The following CPQ variants were observed in gnomAD, a reference collection of about 807,000 sequenced individuals.
CPQ encodes the protein carboxypeptidase Q, also known as Ser-Met dipeptidase.
A neutral mutation model predicts 45.7 loss-of-function variants in CPQ; 37 were observed. The ratio of observed to expected loss-of-function variants is 0.81; its 90% CI spans 0.62 to 1.07. The LOEUF is 1.07. Ranked by LOEUF, CPQ falls within the 50% of genes least tolerant of loss-of-function variation. The pLI is 0.00. For missense variants in CPQ, 537 were observed against 572.9 expected (o/e 0.94, Z 0.64); for synonymous variants, 186 against 205.8 (o/e 0.90, Z 0.82).
At chr8:96,710,747 A>G (rs1049164587) in intron 1 of CPQ, among the ~76,000 whole-genome samples, 3 of 152,042 alleles carry the variant, frequency 2.0e-5, no homozygotes, top group Admixed American at 6.6e-5. Flanking sequence ...ACTTAATGAG[A>G]TTTGTTTTGT....
intron 5 of CPQ, among the ~76,000 whole-genome samples, chr8:97,004,983 A>G (rs1809355383): frequency 6.6e-6 from 1 of 152,192 alleles, no homozygotes; most frequent in African/African-American, 2.4e-5. Flanking sequence ...ATGAAGAAAA[A>G]TTGAATTAAA....
intron 7 of CPQ, among the ~76,000 whole-genome samples, chr8:97,111,304 A>G (rs1386173632): frequency 1.3e-5 from 2 of 152,178 alleles, no homozygotes; most frequent in Non-Finnish European, 2.9e-5. Flanking sequence ...CAGTACGTCT[A>G]TGAAGGCTTC....
At chr8:97,020,228 G>A (rs910247389) in intron 5 of CPQ, among the ~76,000 whole-genome samples, 7 of 151,960 alleles carry the variant, frequency 4.6e-5, no homozygotes, top group African/African-American at 1.4e-4. Context: ...CAACAAACGC[G>A]GTGCTAAGAG....
intron 7 of CPQ, among the ~76,000 whole-genome samples, chr8:97,083,899 G>T (rs1586533191): frequency 6.6e-6 from 1 of 152,134 alleles, no homozygotes; most frequent in African/African-American, 2.4e-5. Flanking sequence ...ACCTGGAAAT[G>T]GGACAAGTAC....
intron 1 of CPQ, among the ~76,000 whole-genome samples, chr8:96,734,508 G>T (rs1402410775): frequency 6.6e-6 from 1 of 151,960 alleles, no homozygotes; most frequent in Non-Finnish European, 1.5e-5. Context: ...TCAGGAGATC[G>T]AGACCATCCT....
intron 4 of CPQ, among the ~76,000 whole-genome samples, chr8:96,926,602 C>A (rs1215686094): frequency 3.4e-5 from 5 of 147,310 alleles, no homozygotes; most frequent in African/African-American, 1.3e-4. Context: ...TCTTCTTCTT[C>A]TTCTTCTTCT....
chr8:96,859,733 T>G (rs1423705423), intron 3 of CPQ, among the ~76,000 whole-genome samples: 3 of 152,276 alleles, frequency 2.0e-5, no homozygotes, highest in Middle Eastern at 6.8e-3. Context: ...GAAGTAGAAC[T>G]TCTCCCTCAT....
At chr8:96,946,025 A>T (rs1586461797) in intron 4 of CPQ, among the ~76,000 whole-genome samples, 1 of 152,206 alleles carries the variant, frequency 6.6e-6, no homozygotes, top group East Asian at 1.9e-4. Context: ...TGATACCAGC[A>T]TCACAGACTG....
At chr8:96,856,990 T>C (rs575757239) in intron 3 of CPQ, among the ~76,000 whole-genome samples, 1 of 152,296 alleles carries the variant, frequency 6.6e-6, no homozygotes, top group Admixed American at 6.5e-5. Context: ...CAGTACCTGT[T>C]TTGTTATCTA....
chr8:96,805,545 C>T (rs953505293), intron 2 of CPQ, among the ~76,000 whole-genome samples: 9 of 152,114 alleles, frequency 5.9e-5, no homozygotes, highest in African/African-American at 1.2e-4. Context: ...GAGCCTGGCT[C>T]ATTACAGGAG....
intron 1 of CPQ, among the ~76,000 whole-genome samples, chr8:96,777,270 G>C (rs148459326): frequency 3.9e-5 from 6 of 152,100 alleles, no homozygotes. Context: ...GGAAGGTACA[G>C]CAGCAATAGG....
At chr8:97,128,977 G>T (rs1811892875) in intron 7 of CPQ, among the ~76,000 whole-genome samples, 1 of 152,174 alleles carries the variant, frequency 6.6e-6, no homozygotes, top group South Asian at 2.1e-4. Context: ...TATTAGGAGG[G>T]TCAGTAGCCA....
chr8:96,731,385 C>T, intron 1 of CPQ, among the ~76,000 whole-genome samples: 1 of 152,144 alleles, frequency 6.6e-6, no homozygotes, highest in Non-Finnish European at 1.5e-5. Context: ...TCAGGTCTGT[C>T]CTGGGATGGG....
chr8:96,979,441 C>T (rs567034843), intron 5 of CPQ, among the ~76,000 whole-genome samples: 1 of 152,328 alleles, frequency 6.6e-6, no homozygotes, highest in South Asian at 2.1e-4. Context: ...GAGCCAGCTT[C>T]TACTTCTCTA....
At chr8:96,648,023 C>A (rs1190569691) in intron 1 of CPQ, among the ~76,000 whole-genome samples, 1 of 152,166 alleles carries the variant, frequency 6.6e-6, no homozygotes, top group Non-Finnish European at 1.5e-5. Context: ...AAGAACAATG[C>A]CTACATCTGT....
intron 1 of CPQ, among the ~76,000 whole-genome samples, chr8:96,688,124 A>G (rs1809257168): frequency 6.6e-6 from 1 of 151,670 alleles, no homozygotes; most frequent in Non-Finnish European, 1.5e-5. Context: ...CTTCTGTATT[A>G]CTGGGTAATT....
intron 4 of CPQ, among the ~76,000 whole-genome samples, chr8:96,961,293 T>G (rs188065649): frequency 6.6e-6 from 1 of 152,216 alleles, no homozygotes; most frequent in Non-Finnish European, 1.5e-5. Flanking sequence ...ATTTCCCTGA[T>G]TGGTAATGAA....
chr8:96,659,912 T>G (rs1367430380), intron 1 of CPQ, among the ~76,000 whole-genome samples: 1 of 152,226 alleles, frequency 6.6e-6, no homozygotes, highest in Non-Finnish European at 1.5e-5. Context: ...CACTTTATCC[T>G]CTACACTGCC....
At chr8:96,737,616 G>A (rs1810005245) in intron 1 of CPQ, among the ~76,000 whole-genome samples, 1 of 151,956 alleles carries the variant, frequency 6.6e-6, no homozygotes, top group South Asian at 2.1e-4. Flanking sequence ...ACCAGATTAA[G>A]GGTGGATCTG....
Sources: allele counts gnomAD v4.1 joint callset (sites outside exome capture counted in the v4.1 genomes callset), GRCh38; gene constraint gnomAD v4.1.1; transcripts MANE v1.5; gene names NCBI Gene and HGNC (gene_info 2026-07-23, HGNC 2026-07-21).